KDM4C: variants seen among roughly 807,000 people sequenced by gnomAD.
KDM4C encodes lysine-specific demethylase 4C.
Under a neutral mutation model 129.3 loss-of-function variants are expected in KDM4C, and 81 were observed. The observed-to-expected ratio is 0.63, with a 90% CI of 0.52 to 0.75. The LOEUF (loss-of-function observed/expected upper bound fraction) is 0.75. Among genes scored for constraint, KDM4C ranks in the 30% least tolerant of loss-of-function variants. The pLI, the probability that KDM4C is intolerant of heterozygous loss-of-function variation, is 0.00. For missense variants in KDM4C, 1,457 were observed against 1,304.0 expected (o/e 1.12, Z -1.81); for synonymous variants, 573 against 456.1 (o/e 1.26, Z -3.26).
At chr9:7,102,661 C>A (rs1837235945) in intron 17 of KDM4C, among the ~76,000 whole-genome samples, 1 of 152,130 alleles carries the variant, frequency 6.6e-6, no homozygotes, top group Non-Finnish European at 1.5e-5. Context: ...TCTTGCACGT[C>A]TCTGATAAAA....
intron 18 of KDM4C, chr9:7,105,414 A>C (rs1027188854): frequency 2.1e-6 from 1 of 470,814 alleles, no homozygotes; most frequent in African/African-American, 2.0e-5. Context: ...CACAGCACAG[A>C]GTAAGCACTC....
intron 8 of KDM4C, among the ~76,000 whole-genome samples, chr9:6,947,877 G>C (rs1452560617): frequency 6.6e-6 from 1 of 151,942 alleles, no homozygotes; most frequent in African/African-American, 2.4e-5. Flanking sequence ...TGAAAACTGA[G>C]AACCATTGCT....
intron 8 of KDM4C, among the ~76,000 whole-genome samples, chr9:6,958,331 T>TTA (rs1242169905): frequency 1.3e-5 from 2 of 152,154 alleles, no homozygotes; most frequent in African/African-American, 4.8e-5. Flanking sequence ...ACGCTTGTAA[T>TTA]ACCAGCACTT....
chr9:6,947,376 T>C (rs1007769241), intron 8 of KDM4C, among the ~76,000 whole-genome samples: 1 of 152,188 alleles, frequency 6.6e-6, no homozygotes, highest in Non-Finnish European at 1.5e-5. Flanking sequence ...CTTTTTGTCC[T>C]TTATATTTCA....
intron 5 of KDM4C, among the ~76,000 whole-genome samples, chr9:6,857,199 A>G (rs893150672): frequency 3.9e-5 from 6 of 152,166 alleles, no homozygotes; most frequent in Non-Finnish European, 7.4e-5. Context: ...TTGGGAGGCC[A>G]AGGCAGAAGG....
At position 6,852,942 on chromosome 9, in the gene KDM4C, C is replaced by G. The variant is rs529231605; in HGVS notation, c.629+3242C>G. Among the ~76,000 whole-genome samples, 24 of 152,222 alleles carry G rather than the reference C, an allele frequency of 1.6e-4. No homozygotes were observed. The South Asian group carries it at 5.0e-3, about 32-fold the overall frequency. ...TGGTTGTGGCCACCCCTCCTGCCATCTCCCTCATTTTCCCACCTCCTTTCT... is the reference window on the plus strand; with the variant it reads ...TGGTTGTGGCCACCCCTCCTGCCATGTCCCTCATTTTCCCACCTCCTTTCT... On this transcript the variant is annotated intron_variant, in intron 5 of 21. Transcript: ENST00000381309.
intron 9 of KDM4C, among the ~76,000 whole-genome samples, chr9:6,983,573 GACACACAC>G (rs56086219): frequency 0.077 from 11,015 of 142,646 alleles, 575 homozygotes; most frequent in East Asian, 0.27. Context: ...GTGTCTTTAT[GACACACAC>G]ACACACACAC....
chr9:6,823,698 C>T (rs994117984), intron 4 of KDM4C, among the ~76,000 whole-genome samples: 14 of 152,212 alleles, frequency 9.2e-5, no homozygotes, highest in African/African-American at 3.4e-4. Context: ...CTGAGAATGG[C>T]TATGAGTCCA....
At chr9:6,940,010 CTT>C (rs1825610475) in intron 8 of KDM4C, among the ~76,000 whole-genome samples, 2 of 131,742 alleles carry the variant, frequency 1.5e-5, no homozygotes, top group African/African-American at 5.5e-5. Flanking sequence ...TCCTTCCTTC[CTT>C]CCTTCCTTCC....
At chr9:6,808,131 C>A (rs201173128) in intron 3 of KDM4C, among the ~76,000 whole-genome samples, 1 of 31,878 alleles carries the variant, frequency 3.1e-5, no homozygotes. Flanking sequence ...CGCCTCTGCC[C>A]GGCCGCCCCT....
intron 4 of KDM4C, among the ~76,000 whole-genome samples, chr9:6,822,397 A>G (rs1833181604): frequency 6.6e-6 from 1 of 152,234 alleles, no homozygotes. Flanking sequence ...TAAAATTGGA[A>G]TGTTCTCAGG....
intron 15 of KDM4C, among the ~76,000 whole-genome samples, chr9:7,030,806 A>T (rs959327418): frequency 1.3e-5 from 2 of 152,188 alleles, no homozygotes; most frequent in Admixed American, 1.3e-4. Flanking sequence ...GCTATCCATT[A>T]TACCATTATA....
intron 19 of KDM4C, among the ~76,000 whole-genome samples, chr9:7,140,488 T>A (rs2129855529): frequency 6.6e-6 from 1 of 152,310 alleles, no homozygotes; most frequent in African/African-American, 2.4e-5. Context: ...TCTTTCTTCT[T>A]AGAGTTGGGG....
chr9:6,911,696 C>T (rs1819341686), intron 8 of KDM4C, among the ~76,000 whole-genome samples: 1 of 152,296 alleles, frequency 6.6e-6, no homozygotes, highest in East Asian at 1.9e-4. Context: ...GTTATTATAT[C>T]TAAAAACTTA....
chr9:6,880,187 A>G (rs534631528), intron 6 of KDM4C, 126 bp downstream of exon 6: 3 of 465,342 alleles, frequency 6.4e-6, no homozygotes, highest in Non-Finnish European at 1.1e-5. Context: ...TATTCAAGTT[A>G]TTGACTTTTA....
intron 4 of KDM4C, among the ~76,000 whole-genome samples, chr9:6,837,054 T>G (rs984425485): frequency 5.3e-5 from 8 of 152,310 alleles, no homozygotes; most frequent in African/African-American, 1.7e-4. Context: ...CCTTTAGCAC[T>G]GTATATCATT....
chr9:7,005,435 C>CA (rs35671520), intron 12 of KDM4C, among the ~76,000 whole-genome samples: 75,768 of 123,918 alleles, frequency 0.61, 23,034 homozygotes, highest in South Asian at 0.7. Context: ...AACTCTGTCT[C>CA]AAAAAAAAAA....
intron 14 of KDM4C, chr9:7,014,258 A>C (rs2132169034): frequency 5.1e-6 from 2 of 394,648 alleles, no homozygotes; most frequent in South Asian, 5.7e-5. Flanking sequence ...CCAGTTGAGG[A>C]GTCATGATGG....
intron 8 of KDM4C, among the ~76,000 whole-genome samples, chr9:6,904,532 C>G (rs1382784091): frequency 6.6e-6 from 1 of 151,898 alleles, no homozygotes; most frequent in Non-Finnish European, 1.5e-5. Context: ...GTTTGCATTC[C>G]CTGGGTGCAG....
Sources: gnomAD v4.1 joint callset for allele counts (sites outside exome capture counted in the v4.1 genomes callset) on GRCh38, gnomAD v4.1.1 for gene constraint, MANE v1.5 for transcripts, NCBI Gene and HGNC (gene_info 2026-07-23, HGNC 2026-07-21) for gene names.